Variants in MARCHF1 observed in about 807,000 individuals in gnomAD.
MARCHF1 encodes the protein E3 ubiquitin-protein ligase MARCHF1.
MARCHF1 carries 40 observed loss-of-function variants against 54.2 expected under a neutral mutation model. The ratio of observed to expected loss-of-function variants is 0.74; its 90% CI spans 0.57 to 0.96. The LOEUF (loss-of-function observed/expected upper bound fraction) is 0.96, where lower values mean the gene tolerates loss of function less well. MARCHF1 is among the 40% of genes least tolerant of loss of function. MARCHF1 has a pLI of 0.00. For synonymous variants in MARCHF1, 236 were observed against 236.3 expected, an observed-to-expected ratio of 1.00 and a Z score of 0.01; for missense variants, 586 against 656.5, an observed-to-expected ratio of 0.89 and a Z score of 1.17.
chr4:164,042,974 G>A (rs966013932), intron 2 of MARCHF1, among the ~76,000 whole-genome samples: 2 of 152,194 alleles, frequency 1.3e-5, no homozygotes, highest in African/African-American at 4.8e-5. Flanking sequence ...CTAATGCAAG[G>A]AGGGGGCTCC....
intron 2 of MARCHF1, among the ~76,000 whole-genome samples, chr4:164,107,393 C>T (rs573880845): frequency 5.9e-5 from 9 of 152,242 alleles, no homozygotes; most frequent in African/African-American, 2.2e-4. Context: ...CAGAATCTCA[C>T]TCTGTTGTTC....
intron 4 of MARCHF1, among the ~76,000 whole-genome samples, chr4:163,796,759 C>A (rs2110957891): frequency 6.6e-6 from 1 of 151,978 alleles, no homozygotes; most frequent in Non-Finnish European, 1.5e-5. Context: ...TAATTATATT[C>A]ATTAGGCTTA....
At position 164,044,858 on chromosome 4, in the gene MARCHF1, T is replaced by TC. The variant is rs1754208478; in HGVS notation, c.-247-56150dup. Among the ~76,000 whole-genome samples the TC allele has an allele frequency of 5.9e-5, 9 of 152,038 alleles. No individual in the cohort carries two copies. In the South Asian group the frequency reaches 1.9e-3, roughly 32 times the overall value. ...TCTATATATATAGACATTATTTCTC[T>TC]CCCCCAGTTCTAAAATAACTACCAT... On this transcript the variant is annotated intron_variant, in intron 2 of 9. Coordinates refer to ENST00000514618, the MANE Select transcript of MARCHF1 (RefSeq NM_001394959.1).
intron 1 of MARCHF1, among the ~76,000 whole-genome samples, chr4:164,320,718 G>A (rs1735118823): frequency 6.6e-6 from 1 of 152,014 alleles, no homozygotes; most frequent in Non-Finnish European, 1.5e-5. Flanking sequence ...GAATCCAGGT[G>A]CTTGGAACTG....
Position 164,117,737 on chromosome 4 carries a change from T to C in MARCHF1, c.-322-6075A>G, listed in dbSNP as rs138993987. Among the ~76,000 whole-genome samples, 839 of 151,998 alleles carry C rather than the reference T, an allele frequency of 5.5e-3. 10 individuals are homozygous for C. Among genetic ancestry groups the C allele is most frequent in the African/African-American group, 0.019 (805 of 41,360 alleles). Reference sequence around the variant, plus strand: ...CAATGTGGAGAAACTCCATCTCTCCTAAAAATACAAAAATTAGGTGGGCAT... The same window carrying C: ...CAATGTGGAGAAACTCCATCTCTCCCAAAAATACAAAAATTAGGTGGGCAT... On this transcript the variant is annotated intron_variant, in intron 1 of 9. Coordinates refer to ENST00000514618, the MANE Select transcript of MARCHF1 (RefSeq NM_001394959.1).
chr4:164,159,027 G>A (rs1579582636), intron 1 of MARCHF1, among the ~76,000 whole-genome samples: 1 of 152,178 alleles, frequency 6.6e-6, no homozygotes, highest in Non-Finnish European at 1.5e-5. Flanking sequence ...TCCAGTAACA[G>A]CACTGTGGTT....
intron 1 of MARCHF1, among the ~76,000 whole-genome samples, chr4:164,299,273 A>G (rs1734490022): frequency 6.6e-6 from 1 of 152,138 alleles, no homozygotes; most frequent in Admixed American, 6.6e-5. Flanking sequence ...AATGTCCACA[A>G]TAATTTGTAC....
chr4:163,724,369 A>C (rs1446087601), intron 4 of MARCHF1, among the ~76,000 whole-genome samples: 1 of 152,192 alleles, frequency 6.6e-6, no homozygotes, highest in African/African-American at 2.4e-5. Context: ...TTCCTCTGGA[A>C]GCTTCGTCTC....
At chr4:164,030,771 A>C (rs1753860322) in intron 2 of MARCHF1, among the ~76,000 whole-genome samples, 1 of 152,076 alleles carries the variant, frequency 6.6e-6, no homozygotes, top group Admixed American at 6.6e-5. Context: ...CTTCAACATA[A>C]TTTTCAGCAT....
At position 164,214,442 on chromosome 4, in the gene MARCHF1, C is replaced by T. The variant is rs11936999; in HGVS notation, c.-322-102780G>A. Among the ~76,000 whole-genome samples, 816 of 152,094 alleles carry T rather than the reference C, an allele frequency of 5.4e-3. 7 individuals are homozygous for T. The highest frequency in any genetic ancestry group is 0.018 in the African/African-American group (761 of 41,496). Reference sequence around the variant, plus strand: ...TGTTTATGTAACAAAGTTTATATAACTTCATTGAATCCCCATTATTCTAAA... The same window carrying T: ...TGTTTATGTAACAAAGTTTATATAATTTCATTGAATCCCCATTATTCTAAA... On this transcript the variant is annotated intron_variant, in intron 1 of 9. Transcript: ENST00000514618.
chr4:164,287,065 T>A (rs116765983), intron 1 of MARCHF1, among the ~76,000 whole-genome samples: 1,705 of 148,696 alleles, frequency 0.011, 34 homozygotes, highest in African/African-American at 0.039. Context: ...AAGAAAAAAA[T>A]AATTTTATAG....
chr4:163,584,382 A>T (rs1740337720), intron 8 of MARCHF1: 1 of 152,308 alleles, frequency 6.6e-6, no homozygotes, highest in South Asian at 2.1e-4. Context: ...CCTGAGAACT[A>T]AGAAAAAACA....
intron 1 of MARCHF1, among the ~76,000 whole-genome samples, chr4:164,221,367 A>G (rs1732108542): frequency 6.6e-6 from 1 of 152,088 alleles, no homozygotes; most frequent in African/African-American, 2.4e-5. Flanking sequence ...AAAAATTACA[A>G]AATGTATAAG....
chr4:163,907,882 T>C (rs1751106179), intron 3 of MARCHF1, among the ~76,000 whole-genome samples: 1 of 152,142 alleles, frequency 6.6e-6, no homozygotes, highest in Non-Finnish European at 1.5e-5. Flanking sequence ...TCCCCCATTA[T>C]ATTTCAACAC....
chr4:164,141,235 G>T (rs1756526302), intron 1 of MARCHF1, among the ~76,000 whole-genome samples: 1 of 152,126 alleles, frequency 6.6e-6, no homozygotes, highest in Non-Finnish European at 1.5e-5. Context: ...AAGGATGGGG[G>T]CTTCTAGAAC....
chr4:163,810,006 A>C (rs572590713), intron 4 of MARCHF1, among the ~76,000 whole-genome samples: 133 of 152,170 alleles, frequency 8.7e-4, no homozygotes, highest in African/African-American at 3.0e-3. Context: ...GAAAAGTTCT[A>C]AGCAAATGTT....
intron 1 of MARCHF1, chr4:164,190,070 A>C: frequency 7.1e-7 from 1 of 1,406,520 alleles, no homozygotes; most frequent in Non-Finnish European, 1.0e-6. Context: ...ATGAGCTGGA[A>C]AGCTATGGCT....
At position 163,586,030 on chromosome 4, in the gene MARCHF1, C is replaced by T. The variant is rs1740401654; in HGVS notation, c.1011-101G>A. ...ATACTAGGGCTATTATAAACCGCAA[C>T]CTAAGATTTAGAACACATGGACATT... On this transcript the variant is annotated intron_variant, in intron 7 of 9. Transcript: ENST00000514618. 8 of 1,022,206 alleles carry T rather than the reference C, an allele frequency of 7.8e-6. 1 individual carries two copies. The highest frequency in any genetic ancestry group is 1.1e-5 in the Non-Finnish European group (8 of 726,288). 63.3% of individuals were successfully genotyped at this position (1,022,206 alleles called of 1,614,324 possible). A position where few individuals can be genotyped will look rare whatever the true frequency, so the allele number is the denominator to read the frequency against.
chr4:164,241,198 C>T (rs1732735341), intron 1 of MARCHF1, among the ~76,000 whole-genome samples: 1 of 152,160 alleles, frequency 6.6e-6, no homozygotes, highest in East Asian at 1.9e-4. Flanking sequence ...ACCATTTGGA[C>T]AGTCCCATAA....
Sources: allele counts gnomAD v4.1 joint callset (sites outside exome capture counted in the v4.1 genomes callset), GRCh38; gene constraint gnomAD v4.1.1; transcripts MANE v1.5; gene names NCBI Gene and HGNC (gene_info 2026-07-23, HGNC 2026-07-21).